The following RTKN2 variants were observed in gnomAD, a reference collection of about 807,000 sequenced individuals.
RTKN2 encodes the protein rhotekin 2, also known as rhotekin-2.
RTKN2 carries 69 observed loss-of-function variants against 71.5 expected under a neutral mutation model. That is an observed-to-expected ratio of 0.96 (90% confidence interval 0.79 to 1.18). RTKN2 has a LOEUF of 1.18. RTKN2 is among the 50% of genes most tolerant of loss of function. RTKN2 has a pLI of 0.00. For synonymous variants in RTKN2, 236 were observed against 236.5 expected, an observed-to-expected ratio of 1.00 and a Z score of 0.02; for missense variants, 724 against 719.7, an observed-to-expected ratio of 1.01 and a Z score of -0.07.
In RTKN2 at chr10:62,221,854, A is replaced by T. The variant is rs563574479; in HGVS notation, c.781+1384T>A. On this transcript the variant is annotated intron_variant, in intron 7 of 11. Transcript: ENST00000373789. Reference sequence around the variant, plus strand: ...CAAATATCAGAATGGAAAAGAGGGAACAATGCTACAGAGGCTGCAGAAATT... The same window carrying T: ...CAAATATCAGAATGGAAAAGAGGGATCAATGCTACAGAGGCTGCAGAAATT... 7.4e-4 allele frequency among the ~76,000 whole-genome samples: 112 copies of T among 152,320 alleles called. 1 individual carries two copies. The highest frequency in any genetic ancestry group is 1.9e-3 in the South Asian group (9 of 4,832).
intron 2 of RTKN2, among the ~76,000 whole-genome samples, chr10:62,255,157 C>G (rs1186142636): frequency 6.6e-6 from 1 of 152,016 alleles, no homozygotes; most frequent in Non-Finnish European, 1.5e-5. Context: ...CTTGAACTTG[C>G]CTAAGTAGGT....
chr10:62,227,501 G>A (rs1265918353), intron 6 of RTKN2, among the ~76,000 whole-genome samples: 2 of 152,158 alleles, frequency 1.3e-5, no homozygotes, highest in Admixed American at 1.3e-4. Context: ...CACTGTGACT[G>A]GAGTATAGTG....
chr10:62,212,729 A>C (rs1841688780), intron 9 of RTKN2, among the ~76,000 whole-genome samples: 1 of 152,140 alleles, frequency 6.6e-6, no homozygotes, highest in South Asian at 2.1e-4. Flanking sequence ...AAAAAACCAA[A>C]AAGAAAACGC....
At chr10:62,250,393 A>C (rs1589379783) in intron 2 of RTKN2, among the ~76,000 whole-genome samples, 3 of 152,386 alleles carry the variant, frequency 2.0e-5, no homozygotes, top group African/African-American at 7.2e-5. Context: ...CACTAGTTTC[A>C]AACATTAGTA....
rs1841782923 is a variant in RTKN2 at position 62,217,004 on chromosome 10, C to T, written c.1020+114G>A. 6.3e-6 allele frequency: 4 copies of T among 631,956 alleles called. No homozygotes were observed. The South Asian group carries it at 1.3e-4, about 21-fold the overall frequency. 39.1% of individuals were successfully genotyped at this position (631,956 alleles called of 1,614,324 possible). A position where few individuals can be genotyped will look rare whatever the true frequency, so the allele number is the denominator to read the frequency against. On this transcript the variant is annotated intron_variant, in intron 9 of 11. Coordinates refer to ENST00000373789, the MANE Select transcript of RTKN2 (RefSeq NM_145307.4). ...GATTAAATCATATTTATGAAGTAAC[C>T]TGTTTTTACCAGTACTTCTCTTTTA...
intron 10 of RTKN2, among the ~76,000 whole-genome samples, chr10:62,203,266 T>A (rs951174264): frequency 2.0e-5 from 3 of 152,064 alleles, no homozygotes; most frequent in Non-Finnish European, 2.9e-5. Flanking sequence ...TTTAGTAAAA[T>A]GGTTAAAGTT....
At chr10:62,187,903 A>G (rs967368510) in intron 8 of RTKN2, among the ~76,000 whole-genome samples, 2 of 152,240 alleles carry the variant, frequency 1.3e-5, no homozygotes, top group African/African-American at 4.8e-5. Context: ...AAATTTCTTC[A>G]GCATACCAGA....
intron 9 of RTKN2, chr10:62,214,897 T>C: frequency 2.1e-6 from 1 of 476,662 alleles, no homozygotes; most frequent in Non-Finnish European, 3.7e-6. Context: ...TTCCTACTCA[T>C]TAGGAAAAGG....
chr10:62,209,228 AC>A (rs1181160239), intron 9 of RTKN2, among the ~76,000 whole-genome samples: 5 of 152,168 alleles, frequency 3.3e-5, no homozygotes, highest in African/African-American at 1.2e-4. Context: ...AGATTGCTCC[AC>A]TGCTCTCCAG....
intron 3 of RTKN2, 119 bp downstream of exon 3, chr10:62,245,880 T>A (rs1842469711): frequency 1.6e-6 from 1 of 644,384 alleles, no homozygotes; most frequent in African/African-American, 1.8e-5. Context: ...GAACAAATAT[T>A]CTGATAGAGG....
intron 6 of RTKN2, 33 bp downstream of exon 6, chr10:62,236,033 T>A (rs766593706): frequency 7.3e-7 from 1 of 1,374,980 alleles, no homozygotes. Flanking sequence ...AATGTATAAT[T>A]ATGTCACCAT....
At chr10:62,250,959 C>T (rs902376257) in intron 2 of RTKN2, among the ~76,000 whole-genome samples, 5 of 152,188 alleles carry the variant, frequency 3.3e-5, no homozygotes, top group African/African-American at 1.2e-4. Context: ...AAACTGCACA[C>T]CATTCTGAGT....
At chr10:62,242,497 T>C (rs754221715) in intron 3 of RTKN2, among the ~76,000 whole-genome samples, 7 of 152,222 alleles carry the variant, frequency 4.6e-5, no homozygotes, top group Non-Finnish European at 7.3e-5. Flanking sequence ...TTATTGTTGA[T>C]TTTAAGATAA....
chr10:62,259,708 T>G lies in RTKN2; in HGVS notation c.257+2917A>C, dbSNP rs140269046. Reference sequence around the variant, plus strand: ...CTGGGAGTACAGGCACATGCCACCATGCCTGGCTAATTTTTGTCTTTTTTG... The same window carrying G: ...CTGGGAGTACAGGCACATGCCACCAGGCCTGGCTAATTTTTGTCTTTTTTG... On this transcript the variant is annotated intron_variant, in intron 2 of 11. Coordinates refer to ENST00000373789, the MANE Select transcript of RTKN2 (RefSeq NM_145307.4). Among the ~76,000 whole-genome samples, 14 of 152,230 alleles carry G rather than the reference T, an allele frequency of 9.2e-5. No individual in the cohort carries two copies. In the East Asian group the frequency reaches 1.9e-3, roughly 21 times the overall value.
chr10:62,197,462 G>A lies in RTKN2; in HGVS notation c.*446C>T. On this transcript the variant is annotated 3_prime_UTR_variant, in exon 12 of 12. Transcript: ENST00000373789. ...CAGAATGCTAAGAAAATTTTCTTGG[G>A]TGGATTCTATAATTTGTGGTTTGAA... is the stretch of plus-strand genomic sequence containing the variant. 1 of 985,962 alleles carries A rather than the reference G, an allele frequency of 1.0e-6. No individual in the cohort carries two copies. Among genetic ancestry groups the A allele is most frequent in the Non-Finnish European group, 1.2e-6 (1 of 829,958 alleles). The allele number at this position is 985,962 out of a possible 1,614,324, so 61.1% of individuals were successfully genotyped here.
rs1350218262 is a variant in RTKN2 at position 62,194,712 on chromosome 10, G to C, written c.*3196C>G. 1 of 985,268 alleles carries C rather than the reference G, an allele frequency of 1.0e-6. No individual in the cohort carries two copies. The highest frequency in any genetic ancestry group is 1.2e-6 in the Non-Finnish European group (1 of 829,898). The allele number at this position is 985,268 out of a possible 1,614,324, so 61.0% of individuals were successfully genotyped here. On this transcript the variant is annotated 3_prime_UTR_variant, in exon 12 of 12. Coordinates refer to ENST00000373789, the MANE Select transcript of RTKN2 (RefSeq NM_145307.4). ...TGAATTAATTAACTTCTCAGTAGGG[G>C]GCTGAGGTGCTGAACATAAGCCTAA...
chr10:62,235,703 T>C (rs574360576), intron 6 of RTKN2, among the ~76,000 whole-genome samples: 6 of 152,140 alleles, frequency 3.9e-5, no homozygotes, highest in South Asian at 2.1e-4. Flanking sequence ...CATGTATGTA[T>C]ATAAAAATTA....
Position 62,241,207 on chromosome 10 carries a change from G to C in RTKN2, c.317-12C>G. ...TGGTATTCGAATATCTATAAAGAAG[G>C]GAAAAAGAAATGACAAGTAATAATT... On this transcript the variant is annotated splice_polypyrimidine_tract_variant and intron_variant, in intron 3 of 11. Coordinates refer to ENST00000373789, the MANE Select transcript of RTKN2 (RefSeq NM_145307.4). The C allele has an allele frequency of 6.5e-7, 1 of 1,534,682 alleles. No homozygotes were observed.
At chr10:62,188,578 C>G (rs74156125), downstream of RTKN2, among the ~76,000 whole-genome samples, 1 of 152,202 alleles carries the variant, frequency 6.6e-6, no homozygotes, top group African/African-American at 2.4e-5. Flanking sequence ...TCATTCTGTT[C>G]CTGCTGCTCA....
Sources: allele counts gnomAD v4.1 joint callset (sites outside exome capture counted in the v4.1 genomes callset), GRCh38; gene constraint gnomAD v4.1.1; transcripts MANE v1.5; gene names NCBI Gene and HGNC (gene_info 2026-07-23, HGNC 2026-07-21).